The following ABCA4 variants were observed in gnomAD, a reference collection of about 807,000 sequenced individuals.
The protein encoded by ABCA4 is retinal-specific phospholipid-transporting ATPase ABCA4.
In ABCA4, 196 loss-of-function variants were observed where a neutral mutation model predicts 263.7. That is an observed-to-expected ratio of 0.74 (90% CI 0.66 to 0.84). ABCA4 has a LOEUF of 0.84. Among genes scored for constraint, ABCA4 ranks in the 40% least tolerant of loss-of-function variants. The probability of loss-of-function intolerance (pLI) is 0.00; values close to 1 mark genes in which losing one functional copy is unlikely to be tolerated. For missense variants in ABCA4, 2,792 were observed against 2,855.1 expected (o/e 0.98, Z 0.50); for synonymous variants, 1,133 against 1,094.2 (o/e 1.04, Z -0.70).
intron 37 of ABCA4, 115 bp downstream of exon 37, chr1:94,015,624 A>T: frequency 1.2e-6 from 1 of 856,420 alleles, no homozygotes; most frequent in East Asian, 2.6e-5. Flanking sequence ...CCGGAAGCTA[A>T]ACTTGTGGGT....
rs116822104 is a variant in ABCA4, at chr1:94,102,356, G to A, written c.570+659C>T. On this transcript the variant is annotated intron_variant, in intron 5 of 49. Coordinates refer to ENST00000370225, the MANE Select transcript of ABCA4 (RefSeq NM_000350.3). ...GCAGCATCTCAGGTTCTGTAGCCTC[G>A]GGACGCCACCCCAGCACTTGCCAGC... Among the ~76,000 whole-genome samples the A allele has an allele frequency of 5.3e-4, 80 of 152,016 alleles. No individual in the cohort carries two copies. In the East Asian group the frequency reaches 0.011, roughly 21 times the overall value.
intron 4 of ABCA4, among the ~76,000 whole-genome samples, chr1:94,107,525 C>T (rs1051302055): frequency 5.3e-5 from 8 of 152,324 alleles, no homozygotes; most frequent in African/African-American, 9.6e-5. Flanking sequence ...TTATTACTTT[C>T]GGATTGTTTC....
chr1:94,044,670 A>G lies in ABCA4; in HGVS notation c.2993T>C (p.Leu998Pro), dbSNP rs1660621523. 2 of 1,614,184 alleles carry G rather than the reference A, an allele frequency of 1.2e-6. No homozygotes were observed. Among genetic ancestry groups the G allele is most frequent in the South Asian group, 2.2e-5 (2 of 91,080 alleles). ...LVGGRDIETSLDAVRQSLGMC... is the reference protein window; with the variant it reads ...LVGGRDIETSPDAVRQSLGMC... ...GCCAAGGCTCTGCCGGACTGCATCC[A>G]GGCTGGTTTCAATGTCCCTTCCCCC... is the stretch of plus-strand genomic sequence containing the variant. The change falls in exon 20 of 50, where the codon CTG becomes CCG. Residue 998 changes from leucine (L) to proline (P), a missense_variant. Coordinates refer to ENST00000370225, the MANE Select transcript of ABCA4 (RefSeq NM_000350.3).
Position 94,029,601 on chromosome 1 carries a change from C to T in ABCA4, c.4383G>A (p.Trp1461Ter), listed in dbSNP as rs1347261858. 1 of 1,613,976 alleles carries T rather than the reference C, an allele frequency of 6.2e-7. No homozygotes were observed. The highest frequency in any genetic ancestry group is 8.5e-7 in the Non-Finnish European group (1 of 1,179,916). The stretch of plus-strand genomic sequence containing the variant: ...TGTTTGGGGACACAGAAGGAGTCTT[C>T]CAGGGTGTTGAGTTGCCACAGGGGT... ...PEYPCGNSTP[W>*]KTPSVSPNIT... is the part of the protein sequence containing the mutation. The change falls in exon 30 of 50, where the codon TGG becomes TGA. Residue 1461 changes from tryptophan (W) to a stop codon, truncating the protein, a stop_gained. Transcript: ENST00000370225. LOFTEE classifies it high-confidence loss of function.
chr1:94,045,734 C>G (rs1337877282), intron 19 of ABCA4: 1 of 456,084 alleles, frequency 2.2e-6, no homozygotes, highest in African/African-American at 2.0e-5. Flanking sequence ...AGAATGGCAC[C>G]GGCCCCACAT....
At chr1:94,096,898 A>G (rs1051068229) in intron 6 of ABCA4, among the ~76,000 whole-genome samples, 4 of 152,180 alleles carry the variant, frequency 2.6e-5, no homozygotes, top group African/African-American at 9.7e-5. Context: ...AGGTGCACAG[A>G]CATTGCTCAT....
At position 94,098,934 on chromosome 1, in the gene ABCA4, G is replaced by A; in HGVS notation, c.628C>T (p.Leu210=). Residue 210 remains leucine (L), a synonymous_variant, in exon 6 of 50, where the codon CTG becomes TTG. Transcript: ENST00000370225. ...TGGCTGAAGATGATGAAGCGCTCCA[G>A]GAGGGCCTCGCTGCAGGCGATGTCC... ...LKDIACSEAL[L]ERFIIFSQRR... is the part of the protein sequence containing the mutation. 1 of 1,613,198 alleles carries A rather than the reference G, an allele frequency of 6.2e-7. No homozygotes were observed. The highest frequency in any genetic ancestry group is 1.1e-5 in the South Asian group (1 of 91,074).
At position 94,007,675 on chromosome 1, in the gene ABCA4, G is replaced by A. The variant is rs980881735; in HGVS notation, c.5964C>T (p.Asp1988=). The change falls in exon 43 of 50, where the codon GAC becomes GAT. Residue 1988 remains aspartate (D), a synonymous_variant. Coordinates refer to ENST00000370225, the MANE Select transcript of ABCA4 (RefSeq NM_000350.3). Reference sequence around the variant, plus strand: ...TGGCATCCCCTGAGGTCACTGTGGTGTCCCCAGTGAGCATCTTGAATGTGG... The same window carrying A: ...TGGCATCCCCTGAGGTCACTGTGGTATCCCCAGTGAGCATCTTGAATGTGG... ...KTTTFKMLTG[D]TTVTSGDATV... 1.2e-6 allele frequency: 2 copies of A among 1,613,934 alleles called. No homozygotes were observed. Among genetic ancestry groups the A allele is most frequent in the African/African-American group, 1.3e-5 (1 of 74,904 alleles).
chr1:94,009,952 G>A (rs761472936), intron 40 of ABCA4, among the ~76,000 whole-genome samples: 5 of 152,248 alleles, frequency 3.3e-5, no homozygotes, highest in Non-Finnish European at 7.3e-5. Context: ...CATCAGGCGT[G>A]TGTTGACACC....
At chr1:94,120,474 TGACTTGATCGTGA>T (rs1314851253) in intron 1 of ABCA4, among the ~76,000 whole-genome samples, 1 of 152,220 alleles carries the variant, frequency 6.6e-6, no homozygotes, top group Non-Finnish European at 1.5e-5. Flanking sequence ...AGTTAAACTG[TGACTTGATCGTGA>T]GCTGCATCCC....
Position 94,049,833 on chromosome 1 carries a change from C to T in ABCA4, c.2654-876G>A, listed in dbSNP as rs542043771. Among the ~76,000 whole-genome samples the T allele has an allele frequency of 3.9e-5, 6 of 152,160 alleles. No individual in the cohort carries two copies. The East Asian group carries it at 5.8e-4, about 15-fold the overall frequency. On this transcript the variant is annotated intron_variant, in intron 17 of 49. Coordinates refer to ENST00000370225, the MANE Select transcript of ABCA4 (RefSeq NM_000350.3). ...GGTATAAACACACGCATTGAACACACACACACACACACACACAAACAGACA... is the reference window on the plus strand; with the variant it reads ...GGTATAAACACACGCATTGAACACATACACACACACACACACAAACAGACA...
chr1:94,095,337 A>T (rs1382304423), intron 6 of ABCA4, among the ~76,000 whole-genome samples: 1 of 150,314 alleles, frequency 6.7e-6, no homozygotes, highest in Non-Finnish European at 1.5e-5. Context: ...CGGAGGTTGC[A>T]CTCACACCCC....
At position 94,117,027 on chromosome 1, in the gene ABCA4, C is replaced by CCTTCTTTCT. The variant is rs1662805909; in HGVS notation, c.66+3952_66+3953insAGAAAGAAG. On this transcript the variant is annotated intron_variant, in intron 1 of 49. Transcript: ENST00000370225. Reference sequence around the variant, plus strand: ...CTTTCTTTCTTTCTTTCTTTCTTTCCTTTTCTTTCTTTCTTCTTCTTTCCT... The same window carrying CCTTCTTTCT: ...CTTTCTTTCTTTCTTTCTTTCTTTCCCTTCTTTCTTTTTCTTTCTTTCTTCTTCTTTCCT... 6.6e-5 allele frequency among the ~76,000 whole-genome samples: 3 copies of CCTTCTTTCT among 45,320 alleles called. No individual in the cohort carries two copies. In the South Asian group the frequency reaches 2.0e-3, roughly 30 times the overall value. The allele number at this position is 45,320 out of a possible 152,430, so 29.7% of individuals were successfully genotyped here. A position where few individuals can be genotyped will look rare whatever the true frequency, so the allele number is the denominator to read the frequency against.
intron 35 of ABCA4, among the ~76,000 whole-genome samples, chr1:94,020,333 GC>G (rs1659862447): frequency 1.3e-5 from 2 of 152,334 alleles, no homozygotes; most frequent in African/African-American, 4.8e-5. Context: ...TGGGGCTAAA[GC>G]CAGCCTGAAC....
intron 19 of ABCA4, chr1:94,046,008 CCTT>C: frequency 8.8e-6 from 4 of 452,090 alleles, no homozygotes; most frequent in Non-Finnish European, 1.8e-5. Context: ...CCTGCCCTGA[CCTT>C]CTGTTACCAG....
intron 19 of ABCA4, 131 bp downstream of exon 19, chr1:94,046,788 A>T: frequency 8.9e-7 from 1 of 1,122,020 alleles, no homozygotes; most frequent in Non-Finnish European, 1.3e-6. Context: ...GAAAGCTTTT[A>T]CACATTTTTG....
At chr1:93,996,516 A>T (rs1217749439) in intron 48 of ABCA4, among the ~76,000 whole-genome samples, 1 of 152,168 alleles carries the variant, frequency 6.6e-6, no homozygotes, top group African/African-American at 2.4e-5. Flanking sequence ...CTAAAAAAAA[A>T]GGTAATTGAT....
rs1216408517 is a variant in ABCA4 at position 94,048,877 on chromosome 1, C to T, written c.2734G>A (p.Gly912Arg). 2 of 1,614,070 alleles carry T rather than the reference C, an allele frequency of 1.2e-6. No homozygotes were observed. Among genetic ancestry groups the T allele is most frequent in the Admixed American group, 1.7e-5 (1 of 60,010 alleles). Residue 912 changes from glycine (G) to arginine (R), a missense_variant, in exon 18 of 50, where the codon GGA (glycine) becomes AGA (arginine). Coordinates refer to ENST00000370225, the MANE Select transcript of ABCA4 (RefSeq NM_000350.3). ...EETEDPEHPE[G>R]IHDSFFEREH... The stretch of plus-strand genomic sequence containing the variant: ...TTTATCGGGGTTTTACCGTGTATTC[C>T]TTCTGGGTGCTCTGGATCCTCCGTT...
intron 31 of ABCA4, among the ~76,000 whole-genome samples, chr1:94,023,773 C>A (rs1659966032): frequency 6.6e-6 from 1 of 152,178 alleles, no homozygotes; most frequent in Non-Finnish European, 1.5e-5. Context: ...CTCCTGTCTT[C>A]CACCCTGCAA....
Sources: allele counts gnomAD v4.1 joint callset (sites outside exome capture counted in the v4.1 genomes callset), GRCh38; gene constraint gnomAD v4.1.1; transcripts MANE v1.5; gene names NCBI Gene and HGNC (gene_info 2026-07-23, HGNC 2026-07-21).